The following ABCC3 variants were observed in gnomAD, a reference collection of about 807,000 sequenced individuals.
ABCC3 encodes ATP-binding cassette sub-family C member 3.
In ABCC3, 121 loss-of-function variants were observed where a neutral mutation model predicts 165.3. That is an observed-to-expected ratio of 0.73 (90% CI 0.63 to 0.85). The LOEUF is 0.85. Ranked by LOEUF, ABCC3 falls within the 40% of genes least tolerant of loss-of-function variation. ABCC3 has a pLI of 0.00. For synonymous variants in ABCC3, 733 were observed against 810.1 expected (o/e 0.90, Z 1.62); for missense variants, 1,869 against 1,964.1 (o/e 0.95, Z 0.92).
chr17:50,639,051 C>T (rs2054203744), intron 1 of ABCC3, among the ~76,000 whole-genome samples: 1 of 152,188 alleles, frequency 6.6e-6, no homozygotes, highest in Admixed American at 6.5e-5. Context: ...GGGCAAGGCT[C>T]CTATGCCAAT....
rs549635623 is a variant in ABCC3 at position 50,636,075 on chromosome 17, A to G, written c.45+1094A>G. On this transcript the variant is annotated intron_variant, in intron 1 of 30. Transcript: ENST00000285238. Reference sequence around the variant, plus strand: ...ACTTGCCTCTATGAGGCAAGTGATCATGTGGTCTCCGTTTTACAGAGGGAG... The same window carrying G: ...ACTTGCCTCTATGAGGCAAGTGATCGTGTGGTCTCCGTTTTACAGAGGGAG... Among the ~76,000 whole-genome samples, 22 of 151,970 alleles carry G rather than the reference A, an allele frequency of 1.4e-4. 1 individual carries two copies. In the South Asian group the frequency reaches 4.4e-3, roughly 30 times the overall value.
chr17:50,680,044 C>T, intron 26 of ABCC3, 145 bp downstream of exon 26: 1 of 645,292 alleles, frequency 1.5e-6, no homozygotes, highest in East Asian at 2.8e-5. Context: ...TGAGCATCAA[C>T]CAATGCTCTA....
rs1967307365 is a variant in ABCC3, at chr17:50,658,485, G to T, written c.663G>T (p.Trp221Cys). Reference protein sequence around the residue: ...SAGFLSRLFFWWFTKMAIYGY... With the variant: ...SAGFLSRLFFCWFTKMAIYGY... ...GCTTTCTCTCCCGCCTGTTTTTCTG[G>T]TGGTTCACAAAGTGAGTTGGCTCTT... is the stretch of plus-strand genomic sequence containing the variant. Residue 221 changes from tryptophan to cysteine, a missense_variant, in exon 6 of 31, where the codon TGG (tryptophan) becomes TGT (cysteine). Physicochemically the swap from Trp to Cys is radical, Grantham distance 215 (BLOSUM62 -2). Transcript: ENST00000285238. The T allele has an allele frequency of 6.2e-7, 1 of 1,613,950 alleles. No homozygotes were observed. Among genetic ancestry groups the T allele is most frequent in the African/African-American group, 1.3e-5 (1 of 74,902 alleles).
At chr17:50,686,176 C>T (rs1012634819) in intron 29 of ABCC3, among the ~76,000 whole-genome samples, 2 of 152,020 alleles carry the variant, frequency 1.3e-5, no homozygotes, top group South Asian at 2.1e-4. Context: ...CCTGGGTGAC[C>T]GAGCGAGACT....
rs769214555 is a variant in ABCC3 at position 50,669,163 on chromosome 17, G to C, written c.1961G>C (p.Gly654Ala). ...LHSLDIQVPK[G>A]ALVAVVGPVG... ...AGCCTAGACATCCAGGTCCCGAAAG[G>C]GGCACTGGTGGCCGTGGTGGGGCCT... The change falls in exon 16 of 31, where the codon GGG (glycine) becomes GCG (alanine). Residue 654 changes from glycine to alanine, a missense_variant. By Grantham distance (60) the Gly-to-Ala change is moderately conservative (BLOSUM62 0). Transcript: ENST00000285238. 3.7e-6 allele frequency: 6 copies of C among 1,602,604 alleles called. No homozygotes were observed. The African/African-American group carries it at 6.8e-5, about 18-fold the overall frequency.
intron 18 of ABCC3, 96 bp downstream of exon 18, chr17:50,673,234 T>C (rs542462219): frequency 6.7e-7 from 1 of 1,486,462 alleles, no homozygotes; most frequent in South Asian, 1.2e-5. Flanking sequence ...GACTTGGAGG[T>C]GTGGGGGGCG....
At position 50,683,643 on chromosome 17, in the gene ABCC3, G is replaced by A. The variant is rs754026312; in HGVS notation, c.3841G>A (p.Glu1281Lys). Residue 1281 changes from glutamate (E) to lysine (K), a missense_variant, in exon 27 of 31, where the codon GAA becomes AAA. Glu to Lys is a moderately conservative substitution (Grantham distance 56, BLOSUM62 1). Coordinates refer to ENST00000285238, the MANE Select transcript of ABCC3 (RefSeq NM_003786.4). ...GGTGGTGGAAGGCAGCCGCCCTCCC[G>A]AAGGTTGGCCCCCACGTGGGGAGGT... ...PWVVEGSRPP[E>K]GWPPRGEVEF... The A allele has an allele frequency of 7.5e-6, 12 of 1,596,432 alleles. No individual in the cohort carries two copies. The highest frequency in any genetic ancestry group is 3.4e-5 in the South Asian group (3 of 89,440).
Position 50,673,104 on chromosome 17 carries a change from A to G in ABCC3, c.2375A>G (p.His792Arg), listed in dbSNP as rs1967683646. Residue 792 changes from histidine (H) to arginine (R), a missense_variant, in exon 18 of 31, where the codon CAC (histidine) becomes CGC (arginine). His to Arg is a conservative substitution (Grantham distance 29). Transcript: ENST00000285238. ...CATGTGGCCAAGCACATCTTTGACC[A>G]CGTCATCGGGCCAGAAGGCGTGCTG... ...DSHVAKHIFD[H>R]VIGPEGVLAG... 6.2e-6 allele frequency: 10 copies of G among 1,614,080 alleles called. No homozygotes were observed. Among genetic ancestry groups the G allele is most frequent in the Admixed American group, 1.7e-5 (1 of 60,022 alleles).
At chr17:50,666,076 ACCTCTAGGGG>A (rs1004678402) in intron 11 of ABCC3, among the ~76,000 whole-genome samples, 4 of 152,000 alleles carry the variant, frequency 2.6e-5, no homozygotes, top group African/African-American at 9.7e-5. Context: ...AGCTCAGGGT[ACCTCTAGGGG>A]CCACCACATA....
chr17:50,663,257 A>G (rs1470900812), intron 8 of ABCC3: 43 of 203,994 alleles, frequency 2.1e-4, no homozygotes, highest in Non-Finnish European at 5.0e-5. Flanking sequence ...GCTGGGGGCC[A>G]CTGAGTTTGG....
Position 50,665,166 on chromosome 17 carries a change from C to G in ABCC3, c.1352C>G (p.Ser451Cys), listed in dbSNP as rs1335911096. ...IYFLWQNLGP[S>C]VLAGVAFMVL... ...GTGCCTCCTCAGAACCTAGGTCCCT[C>G]TGTCCTGGCTGGAGTCGCTTTCATG... The change falls in exon 11 of 31, where the codon TCT (serine) becomes TGT (cysteine). Residue 451 changes from serine to cysteine, a missense_variant. By Grantham distance (112) the Ser-to-Cys change is moderately radical (BLOSUM62 -1). Transcript: ENST00000285238. 1.2e-6 allele frequency: 2 copies of G among 1,614,224 alleles called. No individual in the cohort carries two copies. The highest frequency in any genetic ancestry group is 8.5e-7 in the Non-Finnish European group (1 of 1,180,038).
chr17:50,675,245 A>G (rs1197280119), intron 19 of ABCC3, 117 bp from the exon 20 acceptor site: 4 of 631,594 alleles, frequency 6.3e-6, no homozygotes, highest in East Asian at 5.8e-5. Flanking sequence ...AATCCCCCTC[A>G]TTTTATTTTC....
chr17:50,665,075 C>T, intron 10 of ABCC3, 78 bp from the exon 11 acceptor site: 1 of 1,271,142 alleles, frequency 7.9e-7, no homozygotes. Context: ...TAACAGGCCT[C>T]TGTTTGCCTG....
intron 8 of ABCC3, 47 bp downstream of exon 8, chr17:50,661,161 G>A: frequency 6.6e-7 from 1 of 1,509,672 alleles, no homozygotes. Context: ...GGGCAGCAGG[G>A]CTGGCTGGCT....
At position 50,656,814 on chromosome 17, in the gene ABCC3, T is replaced by G. The variant is rs1567828598; in HGVS notation, c.335T>G (p.Val112Gly). Residue 112 changes from valine (V) to glycine (G), a missense_variant, in exon 3 of 31, where the codon GTG becomes GGG. Transcript: ENST00000285238. ...APVFFVTPLV[V>G]GVTMLLATLL... ...GTTTTCTTTGTCACCCCCTTGGTGG[T>G]GGGGGTCACCATGGTCAGTGTGGGG... 1 of 1,611,102 alleles carries G rather than the reference T, an allele frequency of 6.2e-7. No homozygotes were observed. The highest frequency in any genetic ancestry group is 2.2e-5 in the East Asian group (1 of 44,854).
At position 50,683,696 on chromosome 17, in the gene ABCC3, C is replaced by A; in HGVS notation, c.3894C>A (p.Tyr1298Ter). 1 of 1,608,430 alleles carries A rather than the reference C, an allele frequency of 6.2e-7. No homozygotes were observed. The highest frequency in any genetic ancestry group is 8.5e-7 in the Non-Finnish European group (1 of 1,177,666). Residue 1298 changes from tyrosine to a stop codon, truncating the protein, a stop_gained, in exon 27 of 31, where the codon TAC (tyrosine) becomes TAA (stop). Transcript: ENST00000285238. LOFTEE classifies it high-confidence loss of function. ...AGTTCCGGAATTATTCTGTGCGCTA[C>A]CGGCCGGGCCTAGACCTGGTGCTGA... is the stretch of plus-strand genomic sequence containing the variant. ...EVEFRNYSVR[Y>*]RPGLDLVLRD...
At chr17:50,669,704 A>T (rs1319706323) in intron 17 of ABCC3, among the ~76,000 whole-genome samples, 176 bp downstream of exon 17, 2 of 152,216 alleles carry the variant, frequency 1.3e-5, no homozygotes, top group African/African-American at 4.8e-5. Context: ...AACAAGTAGG[A>T]ACTATTGAAT....
chr17:50,673,914 TTC>T (rs1291023948), intron 19 of ABCC3, among the ~76,000 whole-genome samples: 3 of 14,732 alleles, frequency 2.0e-4, no homozygotes, highest in African/African-American at 8.5e-4. Context: ...CTTTCTTTCT[TTC>T]TTTCTTTCTT....
chr17:50,676,896 G>A (rs1420977480), intron 23 of ABCC3, among the ~76,000 whole-genome samples: 1 of 135,046 alleles, frequency 7.4e-6, no homozygotes, highest in Admixed American at 7.4e-5. Flanking sequence ...TGGGGGGGGG[G>A]GGACGGAATC....
Sources: gnomAD v4.1 joint callset for allele counts (sites outside exome capture counted in the v4.1 genomes callset) on GRCh38, gnomAD v4.1.1 for gene constraint, MANE v1.5 for transcripts, NCBI Gene and HGNC (gene_info 2026-07-23, HGNC 2026-07-21) for gene names.